The following ENOX1 variants were observed in gnomAD, a reference collection of about 807,000 sequenced individuals.
The protein encoded by ENOX1 is ecto-NOX disulfide-thiol exchanger 1, also known as candidate growth-related and time keeping constitutive hydroquinone (NADH) oxidase.
In ENOX1, 42 loss-of-function variants were observed where a neutral mutation model predicts 82.5. That is an observed-to-expected ratio of 0.51 (90% CI 0.40 to 0.66). The LOEUF (loss-of-function observed/expected upper bound fraction) is 0.66. Among genes scored for constraint, ENOX1 ranks in the 30% least tolerant of loss-of-function variants. The pLI is 0.00. For missense variants in ENOX1, 608 were observed against 811.6 expected, an observed-to-expected ratio of 0.75 and a Z score of 3.05; for synonymous variants, 271 against 282.2, an observed-to-expected ratio of 0.96 and a Z score of 0.40.
chr13:43,498,923 G>C (rs2076885265), intron 2 of ENOX1, among the ~76,000 whole-genome samples: 1 of 152,052 alleles, frequency 6.6e-6, no homozygotes, highest in Non-Finnish European at 1.5e-5. Flanking sequence ...TATGGAAGAG[G>C]AAAGTAGTAA....
chr13:43,705,688 G>A (rs899657551), intron 1 of ENOX1, among the ~76,000 whole-genome samples: 1 of 151,798 alleles, frequency 6.6e-6, no homozygotes, highest in African/African-American at 2.4e-5. Context: ...GTAGAAATAA[G>A]GGGAAAAAAT....
Position 43,411,955 on chromosome 13 carries a change from T to C in ENOX1, c.169A>G (p.Met57Val). 3.7e-6 allele frequency: 6 copies of C among 1,614,162 alleles called. No homozygotes were observed. Among genetic ancestry groups the C allele is most frequent in the Non-Finnish European group, 4.2e-6 (5 of 1,180,026 alleles). The change falls in exon 5 of 17, where the codon ATG becomes GTG. Residue 57 changes from methionine to valine, a missense_variant. By Grantham distance (21) the Met-to-Val change is conservative. Coordinates refer to ENST00000690772, the MANE Select transcript of ENOX1 (RefSeq NM_001347969.2). ...AWATAMNNLG[M>V]VPVGLPGQQL... is the part of the protein sequence containing the mutation. The stretch of plus-strand genomic sequence containing the variant: ...TGTCCAGGCAACCCTACGGGAACCA[T>C]GCCCAGGTTATTCATGGCTGTAGCC...
chr13:43,389,642 T>C (rs538759322), intron 5 of ENOX1, among the ~76,000 whole-genome samples: 1 of 152,296 alleles, frequency 6.6e-6, no homozygotes, highest in Non-Finnish European at 1.5e-5. Flanking sequence ...GAAAGAAAGA[T>C]AGATATTATT....
chr13:43,245,190 C>A (rs1158394503), intron 14 of ENOX1, among the ~76,000 whole-genome samples: 1 of 152,138 alleles, frequency 6.6e-6, no homozygotes, highest in Non-Finnish European at 1.5e-5. Flanking sequence ...ATGATTTGGA[C>A]ATAGAAGACA....
At chr13:43,286,377 A>C (rs2045702965) in intron 12 of ENOX1, among the ~76,000 whole-genome samples, 1 of 152,192 alleles carries the variant, frequency 6.6e-6, no homozygotes, top group Non-Finnish European at 1.5e-5. Context: ...CAAAAGAGGC[A>C]GTGAAAGGGA....
At chr13:43,474,304 G>A (rs943053227) in intron 3 of ENOX1, among the ~76,000 whole-genome samples, 1 of 152,118 alleles carries the variant, frequency 6.6e-6, no homozygotes, top group Non-Finnish European at 1.5e-5. Flanking sequence ...TCCAACAAGT[G>A]TGCTCTCTCC....
At chr13:43,747,588 A>C (rs1025310102) in intron 1 of ENOX1, among the ~76,000 whole-genome samples, 9 of 152,214 alleles carry the variant, frequency 5.9e-5, no homozygotes, top group African/African-American at 1.7e-4. Flanking sequence ...AACCATGCAG[A>C]GGAGAAAACA....
chr13:43,505,843 T>C (rs2077137545), intron 2 of ENOX1, among the ~76,000 whole-genome samples: 1 of 152,064 alleles, frequency 6.6e-6, no homozygotes, highest in South Asian at 2.1e-4. Context: ...ATGTCCTGAA[T>C]GGTATTGCCT....
intron 2 of ENOX1, among the ~76,000 whole-genome samples, chr13:43,652,135 T>C (rs749930323): frequency 5.3e-5 from 8 of 152,178 alleles, no homozygotes; most frequent in Non-Finnish European, 7.3e-5. Flanking sequence ...TCTTCAGGTC[T>C]ATACCTTAGC....
intron 12 of ENOX1, among the ~76,000 whole-genome samples, chr13:43,273,689 T>C (rs1417438856): frequency 1.3e-5 from 2 of 152,196 alleles, no homozygotes; most frequent in Non-Finnish European, 2.9e-5. Flanking sequence ...ACTTACCCCT[T>C]TGGCCTGCTG....
chr13:43,457,256 A>T (rs531566336), intron 3 of ENOX1, among the ~76,000 whole-genome samples: 1 of 152,268 alleles, frequency 6.6e-6, no homozygotes, highest in East Asian at 1.9e-4. Context: ...GAACTTTATG[A>T]GTTACTTGGA....
At chr13:43,551,372 C>A (rs1034088356) in intron 2 of ENOX1, among the ~76,000 whole-genome samples, 1 of 151,910 alleles carries the variant, frequency 6.6e-6, no homozygotes, top group African/African-American at 2.4e-5. Context: ...GGGATGAAAC[C>A]AATTTGATCA....
intron 9 of ENOX1, among the ~76,000 whole-genome samples, chr13:43,333,057 G>A (rs903903069): frequency 6.6e-5 from 10 of 152,020 alleles, no homozygotes; most frequent in Non-Finnish European, 1.3e-4. Flanking sequence ...TATTATATAC[G>A]CTATTCTGTA....
chr13:43,711,939 G>A lies in ENOX1; in HGVS notation c.-284-44395C>T, dbSNP rs1411952397. On this transcript the variant is annotated intron_variant, in intron 1 of 16. Transcript: ENST00000690772. The stretch of plus-strand genomic sequence containing the variant: ...TCTTTAGTTTAATTAGATCCCATTT[G>A]TCAATTTTGGCTTTTGTTGCCATTG... Among the ~76,000 whole-genome samples, 320 of 144,028 alleles carry A rather than the reference G, an allele frequency of 2.2e-3. 2 individuals are homozygous for A. The highest frequency in any genetic ancestry group is 7.6e-3 in the African/African-American group (300 of 39,346). 94.5% of individuals were successfully genotyped at this position (144,028 alleles called of 152,430 possible). A position where few individuals can be genotyped will look rare whatever the true frequency, so the allele number is the denominator to read the frequency against.
chr13:43,324,513 C>A (rs766553362), intron 10 of ENOX1, among the ~76,000 whole-genome samples: 1 of 152,106 alleles, frequency 6.6e-6, no homozygotes, highest in African/African-American at 2.4e-5. Context: ...CAAGCTTATA[C>A]GCAACTGAGA....
intron 2 of ENOX1, among the ~76,000 whole-genome samples, chr13:43,602,694 T>A (rs2153732491): frequency 6.6e-6 from 1 of 152,184 alleles, no homozygotes; most frequent in Non-Finnish European, 1.5e-5. Context: ...GGATATCAGA[T>A]TCTCCTAGGG....
intron 1 of ENOX1, among the ~76,000 whole-genome samples, chr13:43,764,966 G>A (rs978147059): frequency 6.6e-6 from 1 of 152,224 alleles, no homozygotes; most frequent in Non-Finnish European, 1.5e-5. Context: ...ACTTGGGGTT[G>A]ATTAAAATGA....
At chr13:43,587,085 A>G (rs1219635353) in intron 2 of ENOX1, among the ~76,000 whole-genome samples, 1 of 152,032 alleles carries the variant, frequency 6.6e-6, no homozygotes, top group Non-Finnish European at 1.5e-5. Context: ...AAAAAAAAAA[A>G]AAAGAAATAG....
intron 1 of ENOX1, among the ~76,000 whole-genome samples, chr13:43,687,545 T>C (rs904869584): frequency 6.6e-6 from 1 of 152,174 alleles, no homozygotes; most frequent in Non-Finnish European, 1.5e-5. Flanking sequence ...ATCACTTATT[T>C]TCTTTGAACT....
Sources: gnomAD v4.1 joint callset for allele counts (sites outside exome capture counted in the v4.1 genomes callset) on GRCh38, gnomAD v4.1.1 for gene constraint, MANE v1.5 for transcripts, NCBI Gene and HGNC (gene_info 2026-07-23, HGNC 2026-07-21) for gene names.